ALPK2: variants seen among roughly 807,000 people sequenced by gnomAD.
ALPK2 encodes the protein alpha-protein kinase 2.
ALPK2 carries 127 observed loss-of-function variants against 163.1 expected under a neutral mutation model. The observed-to-expected ratio is 0.78, with a 90% CI of 0.67 to 0.90. The LOEUF (loss-of-function observed/expected upper bound fraction) is 0.90, where lower values mean the gene tolerates loss of function less well. ALPK2 is among the 40% of genes least tolerant of loss of function. ALPK2 has a pLI of 0.00. For missense variants in ALPK2, 2,360 were observed against 2,589.6 expected, an observed-to-expected ratio of 0.91 and a Z score of 1.92; for synonymous variants, 953 against 959.1, an observed-to-expected ratio of 0.99 and a Z score of 0.12.
At chr18:58,605,589 C>G (rs1347716036) in intron 3 of ALPK2, among the ~76,000 whole-genome samples, 2 of 152,292 alleles carry the variant, frequency 1.3e-5, no homozygotes, top group Middle Eastern at 3.4e-3. Context: ...AAAGGGAGGC[C>G]TGTGCAACAA....
chr18:58,526,497 C>T (rs2051585753), intron 6 of ALPK2, among the ~76,000 whole-genome samples: 1 of 152,222 alleles, frequency 6.6e-6, no homozygotes, highest in South Asian at 2.1e-4. Flanking sequence ...CATGACCTTG[C>T]TCAGCTATCA....
In ALPK2 at chr18:58,609,942, A is replaced by T. The variant is rs369992608; in HGVS notation, c.109+1747T>A. On this transcript the variant is annotated intron_variant, in intron 2 of 12. Coordinates refer to ENST00000361673, the MANE Select transcript of ALPK2 (RefSeq NM_052947.4). ...CACGGAGACAGAAGCCTGGGCTTGG[A>T]GAGGCTGAGCGCACAGTTCTACACT... Among the ~76,000 whole-genome samples the T allele has an allele frequency of 5.9e-5, 9 of 152,154 alleles. No individual in the cohort carries two copies. The East Asian group carries it at 1.5e-3, about 26-fold the overall frequency.
chr18:58,579,858 A>G lies in ALPK2; in HGVS notation c.918T>C (p.Ser306=). 6.2e-7 allele frequency: 1 copy of G among 1,614,132 alleles called. No individual in the cohort carries two copies. The highest frequency in any genetic ancestry group is 2.2e-5 in the East Asian group (1 of 44,870). Residue 306 remains serine (S), a synonymous_variant, in exon 4 of 13, where the codon AGT becomes AGC. Coordinates refer to ENST00000361673, the MANE Select transcript of ALPK2 (RefSeq NM_052947.4). ...TTATCTCTGGGCAAAGTTCATAGTC[A>G]CTGTCAGAGTCTTCACTGGAAAGCT... ...SPQLSSEDSD[S]DYELCPEITL...
intron 3 of ALPK2, among the ~76,000 whole-genome samples, chr18:58,585,527 A>G (rs2144204912): frequency 6.6e-6 from 1 of 152,338 alleles, no homozygotes; most frequent in Non-Finnish European, 1.5e-5. Context: ...TGACACATCA[A>G]TGTATTGGGA....
chr18:58,589,336 G>A (rs899285678), intron 3 of ALPK2, among the ~76,000 whole-genome samples: 13 of 152,214 alleles, frequency 8.5e-5, no homozygotes, highest in African/African-American at 3.1e-4. Flanking sequence ...TGGGCAGGAG[G>A]AGGCCGGTTC....
chr18:58,521,452 G>A (rs1348359734), intron 8 of ALPK2, among the ~76,000 whole-genome samples: 1 of 152,090 alleles, frequency 6.6e-6, no homozygotes, highest in East Asian at 1.9e-4. Flanking sequence ...GCCTTCTGGG[G>A]AGATGAGAGC....
At chr18:58,594,319 C>G (rs896967351) in intron 3 of ALPK2, among the ~76,000 whole-genome samples, 1 of 152,162 alleles carries the variant, frequency 6.6e-6, no homozygotes, top group African/African-American at 2.4e-5. Flanking sequence ...ACTACCACCA[C>G]GCTTAGTTAA....
chr18:58,624,362 C>T (rs1014809706), intron 1 of ALPK2, among the ~76,000 whole-genome samples: 2 of 152,242 alleles, frequency 1.3e-5, no homozygotes, highest in South Asian at 2.1e-4. Flanking sequence ...CAGGAAACAG[C>T]AGGGTCCTGA....
chr18:58,575,744 C>G (rs894897536), intron 4 of ALPK2, among the ~76,000 whole-genome samples: 1 of 152,212 alleles, frequency 6.6e-6, no homozygotes, highest in African/African-American at 2.4e-5. Context: ...TTTCCACTCC[C>G]AAACTGGGAT....
intron 4 of ALPK2, among the ~76,000 whole-genome samples, chr18:58,555,575 T>C (rs1333009006): frequency 3.3e-5 from 5 of 152,248 alleles, no homozygotes; most frequent in Admixed American, 3.3e-4. Context: ...TTATAAAGTC[T>C]ACCTACTCTG....
intron 4 of ALPK2, among the ~76,000 whole-genome samples, chr18:58,548,934 G>A (rs898098527): frequency 5.3e-5 from 8 of 152,138 alleles, no homozygotes; most frequent in African/African-American, 1.9e-4. Flanking sequence ...CTCTTCTCAT[G>A]TCAGATCTCA....
At position 58,535,583 on chromosome 18, in the gene ALPK2, A is replaced by G. The variant is rs2051640487; in HGVS notation, c.4604T>C (p.Ile1535Thr). The G allele has an allele frequency of 6.2e-7, 1 of 1,614,068 alleles. No individual in the cohort carries two copies. Among genetic ancestry groups the G allele is most frequent in the Non-Finnish European group, 8.5e-7 (1 of 1,180,046 alleles). ...ACTAGAAAGAGGTGAAGTGGGGGAA[A>G]TCAATTCTGCTTTGTCCTTTTTGCT... ...EQSKKDKAEL[I>T]SPTSPLSSCL... Residue 1535 changes from isoleucine (I) to threonine (T), a missense_variant, in exon 5 of 13, where the codon ATT becomes ACT. Coordinates refer to ENST00000361673, the MANE Select transcript of ALPK2 (RefSeq NM_052947.4).
chr18:58,621,866 G>A (rs1184176186), intron 1 of ALPK2, among the ~76,000 whole-genome samples: 1 of 152,148 alleles, frequency 6.6e-6, no homozygotes. Context: ...TGTGTTGGGT[G>A]CACAATTTGT....
At chr18:58,531,935 CAAAAAAAAAA>C (rs35957271) in intron 5 of ALPK2, among the ~76,000 whole-genome samples, 64 of 49,620 alleles carry the variant, frequency 1.3e-3, no homozygotes, top group East Asian at 0.012. Context: ...GGCTCCGTCT[CAAAAAAAAAA>C]AAAAAAAAAA....
chr18:58,515,077 C>T lies in ALPK2; in HGVS notation c.5945G>A (p.Cys1982Tyr). 2 of 1,610,762 alleles carry T rather than the reference C, an allele frequency of 1.2e-6. No individual in the cohort carries two copies. Among genetic ancestry groups the T allele is most frequent in the Non-Finnish European group, 1.7e-6 (2 of 1,178,036 alleles). ...ATACCTGGCAGTATTTTGAACATAG[C>T]ATTCCTATATCGCCAAAATACATAG... ...QRNYKLAAQE[C>Y]YVQNTARYYA... Residue 1982 changes from cysteine to tyrosine, a missense_variant, in exon 10 of 13, where the codon TGC becomes TAC. Coordinates refer to ENST00000361673, the MANE Select transcript of ALPK2 (RefSeq NM_052947.4).
intron 10 of ALPK2, among the ~76,000 whole-genome samples, chr18:58,512,728 G>A (rs1319317318): frequency 8.1e-6 from 1 of 123,264 alleles, no homozygotes; most frequent in Non-Finnish European, 1.9e-5. Flanking sequence ...TATTGTCTGT[G>A]GTGTGTGTGT....
At chr18:58,552,577 T>C (rs1227435001) in intron 4 of ALPK2, among the ~76,000 whole-genome samples, 1 of 152,256 alleles carries the variant, frequency 6.6e-6, no homozygotes, top group African/African-American at 2.4e-5. Context: ...CATTCATTAA[T>C]TCCTTTATTC....
chr18:58,570,546 CT>C (rs1456836396), intron 4 of ALPK2, among the ~76,000 whole-genome samples: 1 of 152,204 alleles, frequency 6.6e-6, no homozygotes, highest in Non-Finnish European at 1.5e-5. Flanking sequence ...TAAAACACAA[CT>C]GGGAATTAGT....
chr18:58,604,781 T>C lies in ALPK2; in HGVS notation c.227+2541A>G, dbSNP rs2052089401. The stretch of plus-strand genomic sequence containing the variant: ...ATCTTCAATTTTCATGGAAAGCCAC[T>C]GCCCTGCTGGATCTCAGAACAGGGA... On this transcript the variant is annotated intron_variant, in intron 3 of 12. Transcript: ENST00000361673. Among the ~76,000 whole-genome samples the C allele has an allele frequency of 3.3e-5, 5 of 152,338 alleles. No individual in the cohort carries two copies. In the South Asian group the frequency reaches 1.0e-3, roughly 32 times the overall value.
Sources: allele counts gnomAD v4.1 joint callset (sites outside exome capture counted in the v4.1 genomes callset), GRCh38; gene constraint gnomAD v4.1.1; transcripts MANE v1.5; gene names NCBI Gene and HGNC (gene_info 2026-07-23, HGNC 2026-07-21).